Variants in MIOS observed in about 807,000 individuals in gnomAD.
MIOS encodes meiosis regulator for oocyte development, also known as GATOR2 complex protein MIOS.
A neutral mutation model predicts 96.9 loss-of-function variants in MIOS; 52 were observed. That is an observed-to-expected ratio of 0.54 (90% confidence interval 0.43 to 0.68). The LOEUF (loss-of-function observed/expected upper bound fraction) is 0.68. Ranked by LOEUF, MIOS falls within the 30% of genes least tolerant of loss-of-function variation. MIOS has a pLI of 0.00. For missense variants in MIOS, 1,005 were observed against 1,052.8 expected, an observed-to-expected ratio of 0.95 and a Z score of 0.63; for synonymous variants, 397 against 359.5, an observed-to-expected ratio of 1.10 and a Z score of -1.18.
intron 5 of MIOS, among the ~76,000 whole-genome samples, chr7:7,578,944 C>G (rs1783623207): frequency 6.6e-6 from 1 of 152,180 alleles, no homozygotes; most frequent in African/African-American, 2.4e-5. Flanking sequence ...CTCCTAACCT[C>G]AAGTGATCTG....
In MIOS at chr7:7,588,576, T is replaced by A. The variant is rs778412734; in HGVS notation, c.1884+13T>A. 1.3e-6 allele frequency: 2 copies of A among 1,545,480 alleles called. No homozygotes were observed. Among genetic ancestry groups the A allele is most frequent in the South Asian group, 2.5e-5 (2 of 79,998 alleles). ...TAGTGATACTCAGGTGAAAACTGAT[T>A]TAATTCCACATTTGAAGTAATTAAT... On this transcript the variant is annotated intron_variant, in intron 8 of 12. Transcript: ENST00000340080.
chr7:7,592,846 G>A (rs1475625912), intron 9 of MIOS, among the ~76,000 whole-genome samples: 1 of 152,178 alleles, frequency 6.6e-6, no homozygotes, highest in Non-Finnish European at 1.5e-5. Flanking sequence ...ACCTCCTGCT[G>A]TGTGACCCAG....
chr7:7,577,359 T>TA (rs1783569689), intron 5 of MIOS, among the ~76,000 whole-genome samples: 1 of 152,198 alleles, frequency 6.6e-6, no homozygotes, highest in Non-Finnish European at 1.5e-5. Flanking sequence ...AAATTGCAGT[T>TA]ATATTAGAAA....
chr7:7,607,014 T>C lies in MIOS; in HGVS notation c.2550T>C (p.Pro850=). 1 of 1,612,296 alleles carries C rather than the reference T, an allele frequency of 6.2e-7. No homozygotes were observed. The highest frequency in any genetic ancestry group is 8.5e-7 in the Non-Finnish European group (1 of 1,178,812). Residue 850 remains proline, a synonymous_variant, in exon 13 of 13, where the codon CCT becomes CCC. Coordinates refer to ENST00000340080, the MANE Select transcript of MIOS (RefSeq NM_019005.4). ...LSWFRDHAEC[P]VSACTCKCMQ... ...TTTTTAGGGACCATGCAGAGTGCCCTGTGTCGGCATGCACGTGTAAATGTA... is the reference window on the plus strand; with the variant it reads ...TTTTTAGGGACCATGCAGAGTGCCCCGTGTCGGCATGCACGTGTAAATGTA...
Position 7,572,571 on chromosome 7 carries a change from T to C in MIOS, c.96T>C (p.Ser32=), listed in dbSNP as rs375966555. The C allele has an allele frequency of 7.4e-6, 12 of 1,614,130 alleles. No homozygotes were observed. In the South Asian group the frequency reaches 1.1e-4, roughly 15 times the overall value. ...DSELSLYHVE[S]TVNSELKAGS... Reference sequence around the variant, plus strand: ...AACTAAGTCTTTATCATGTGGAATCTACTGTGAATTCAGAACTCAAAGCTG... The same window carrying C: ...AACTAAGTCTTTATCATGTGGAATCCACTGTGAATTCAGAACTCAAAGCTG... The change falls in exon 4 of 13, where the codon TCT becomes TCC. Residue 32 remains serine, a synonymous_variant. Coordinates refer to ENST00000340080, the MANE Select transcript of MIOS (RefSeq NM_019005.4). The surrounding 1 kb of genome is among the most constrained non-coding windows in gnomAD (Gnocchi z 4.8).
At chr7:7,583,010 C>G in intron 5 of MIOS, 108 bp from the exon 6 acceptor site, 1 of 1,214,392 alleles carries the variant, frequency 8.2e-7, no homozygotes, top group South Asian at 1.7e-5. Flanking sequence ...AAAATTATGG[C>G]CGAGAAGTTA....
In MIOS at chr7:7,589,534, G is replaced by A; in HGVS notation, c.2014G>A (p.Val672Ile). The change falls in exon 9 of 13, where the codon GTT becomes ATT. Residue 672 changes from valine (V) to isoleucine (I), a missense_variant. Around this residue, in one of 3 missense-constraint regions of MIOS, gnomAD observed 865 missense variants for 887.9 expected, o/e 0.97. Transcript: ENST00000340080. ...GAGTTATGTTGATAGAACTGGAGATGTTCAAACAGCAAGTTACTGTATGTT... is the reference window on the plus strand; with the variant it reads ...GAGTTATGTTGATAGAACTGGAGATATTCAAACAGCAAGTTACTGTATGTT... The part of the protein sequence containing the change: ...MESYVDRTGD[V>I]QTASYCMLQG... 1.9e-6 allele frequency: 3 copies of A among 1,612,192 alleles called. No individual in the cohort carries two copies. Among genetic ancestry groups the A allele is most frequent in the Non-Finnish European group, 2.5e-6 (3 of 1,178,836 alleles).
intron 8 of MIOS, 81 bp downstream of exon 8, chr7:7,588,644 C>T (rs7801367): frequency 0.96 from 790,643 of 820,652 alleles, 381,242 homozygotes; most frequent in East Asian, 0.99. Context: ...TTTATAATTA[C>T]ATATGTATGA....
intron 11 of MIOS, among the ~76,000 whole-genome samples, chr7:7,599,300 A>G (rs1416674461): frequency 6.6e-6 from 1 of 152,212 alleles, no homozygotes; most frequent in Non-Finnish European, 1.5e-5. Context: ...GAGTTTGATT[A>G]CAGGGTGCTT....
In MIOS at chr7:7,572,864, C is replaced by A; in HGVS notation, c.389C>A (p.Ala130Asp). The stretch of plus-strand genomic sequence containing the variant: ...AATCCACTGGATAGTAACTGGCTAG[C>A]TGCTGGTTTAGATAAGCACAGAGCT... ...AWNPLDSNWL[A>D]AGLDKHRADF... is the part of the protein sequence containing the mutation. Residue 130 changes from alanine to aspartate, a missense_variant, in exon 4 of 13, where the codon GCT (alanine) becomes GAT (aspartate). By Grantham distance (126) the Ala-to-Asp change is moderately radical. Around this residue, in one of 3 missense-constraint regions of MIOS, gnomAD observed 3 missense variants for 16.4 expected, o/e 0.18. Transcript: ENST00000340080. This position sits in a 1 kb window ranked among gnomAD's most constrained non-coding sequence, Gnocchi z 4.8. 1 of 1,614,134 alleles carries A rather than the reference C, an allele frequency of 6.2e-7. No homozygotes were observed. The highest frequency in any genetic ancestry group is 8.5e-7 in the Non-Finnish European group (1 of 1,179,996).
intron 11 of MIOS, among the ~76,000 whole-genome samples, chr7:7,602,281 A>G (rs1380714162): frequency 6.6e-6 from 1 of 152,224 alleles, no homozygotes; most frequent in Non-Finnish European, 1.5e-5. Flanking sequence ...AGGAAGTCAA[A>G]TTGTCCCTGT....
chr7:7,595,632 C>G (rs558707503), intron 10 of MIOS, among the ~76,000 whole-genome samples: 36 of 152,014 alleles, frequency 2.4e-4, no homozygotes, highest in Non-Finnish European at 4.6e-4. Context: ...TTATGTTATC[C>G]TCAATATGAG....
Position 7,573,844 on chromosome 7 carries a change from G to T in MIOS, c.1294+75G>T. 7.7e-7 allele frequency: 1 copy of T among 1,300,446 alleles called. No individual in the cohort carries two copies. 80.6% of individuals were successfully genotyped at this position (1,300,446 alleles called of 1,614,324 possible). On this transcript the variant is annotated intron_variant, in intron 4 of 12. Transcript: ENST00000340080. The surrounding 1 kb of genome is among the most constrained non-coding windows in gnomAD (Gnocchi z 5.0). ...TTGAAGTTTGCCAAAAGGTCAGTCTGTAAATATGCTCAATGTTTTATATAC... is the reference window on the plus strand; with the variant it reads ...TTGAAGTTTGCCAAAAGGTCAGTCTTTAAATATGCTCAATGTTTTATATAC...
At chr7:7,595,771 A>G (rs1199408676) in intron 10 of MIOS, among the ~76,000 whole-genome samples, 1 of 152,232 alleles carries the variant, frequency 6.6e-6, no homozygotes, top group Non-Finnish European at 1.5e-5. Context: ...TTAAGAGCCT[A>G]GCAATTTACG....
chr7:7,583,421 G>A (rs778964801), intron 6 of MIOS, 49 bp downstream of exon 6: 1 of 1,464,598 alleles, frequency 6.8e-7, no homozygotes. Context: ...GATGTTAGCA[G>A]TTCATGGAAT....
chr7:7,583,399 G>T, intron 6 of MIOS, 27 bp downstream of exon 6: 1 of 1,530,800 alleles, frequency 6.5e-7, no homozygotes. Flanking sequence ...TAAGATATTA[G>T]TTATAATCTA....
Position 7,592,288 on chromosome 7 carries a change from C to T in MIOS, c.2044-2692C>T, listed in dbSNP as rs539120751. Among the ~76,000 whole-genome samples the T allele has an allele frequency of 5.3e-5, 8 of 152,284 alleles. No individual in the cohort carries two copies. In the South Asian group the frequency reaches 1.7e-3, roughly 32 times the overall value. On this transcript the variant is annotated intron_variant, in intron 9 of 12. Coordinates refer to ENST00000340080, the MANE Select transcript of MIOS (RefSeq NM_019005.4). ...ACAGGCGCAAGCCGCTGTGCCTGGC[C>T]CAGATTTGTTGATTCTGTTGACTTA... is the stretch of plus-strand genomic sequence containing the variant.
intron 9 of MIOS, among the ~76,000 whole-genome samples, chr7:7,593,434 C>G (rs1251172892): frequency 1.3e-5 from 2 of 152,016 alleles, no homozygotes; most frequent in Non-Finnish European, 2.9e-5. Flanking sequence ...AAGATATACG[C>G]CAGGTTCTCT....
chr7:7,568,771 G>T (rs1255671893), intron 3 of MIOS, among the ~76,000 whole-genome samples: 2 of 152,152 alleles, frequency 1.3e-5, no homozygotes, highest in Non-Finnish European at 2.9e-5. Flanking sequence ...CAAACATCTG[G>T]TCTTCACTTT....
Sources: allele counts gnomAD v4.1 joint callset (sites outside exome capture counted in the v4.1 genomes callset), GRCh38; gene constraint gnomAD v4.1.1; regional missense constraint gnomAD v4.1.1; non-coding constraint Gnocchi (gnomAD v3.1); transcripts MANE v1.5; gene names NCBI Gene and HGNC (gene_info 2026-07-23, HGNC 2026-07-21).